The following USP46 variants were observed in gnomAD, a reference collection of about 807,000 sequenced individuals.
USP46 encodes ubiquitin carboxyl-terminal hydrolase 46.
Under a neutral mutation model 44.4 loss-of-function variants are expected in USP46, and 12 were observed. That is an observed-to-expected ratio of 0.27 (90% CI 0.17 to 0.44). The LOEUF (loss-of-function observed/expected upper bound fraction) is 0.44. Among genes scored for constraint, USP46 ranks in the 20% least tolerant of loss-of-function variants. The pLI is 1.00. For synonymous variants in USP46, 155 were observed against 161.5 expected, an observed-to-expected ratio of 0.96 and a Z score of 0.31; for missense variants, 248 against 444.8, an observed-to-expected ratio of 0.56 and a Z score of 3.98.
At chr4:52,625,317 C>T (rs1183494393) in intron 4 of USP46, among the ~76,000 whole-genome samples, 1 of 151,836 alleles carries the variant, frequency 6.6e-6, no homozygotes, top group African/African-American at 2.4e-5. Flanking sequence ...GCACAGGTTC[C>T]ACTAGCTAAC....
At chr4:52,654,429 G>A (rs908396511) in intron 1 of USP46, among the ~76,000 whole-genome samples, 4 of 152,132 alleles carry the variant, frequency 2.6e-5, no homozygotes, top group African/African-American at 7.2e-5. Flanking sequence ...ACTTGCCTTA[G>A]GTAAGTAGTT....
In USP46 at chr4:52,591,070, CAG is replaced by C. The variant is rs1187798687; in HGVS notation, c.*6568_*6569del. The C allele has an allele frequency of 2.0e-5, 3 of 152,208 alleles. No homozygotes were observed. The highest frequency in any genetic ancestry group is 1.3e-4 in the Admixed American group (2 of 15,278). 9.4% of individuals were successfully genotyped at this position (152,208 alleles called of 1,614,324 possible). On this transcript the variant is annotated 3_prime_UTR_variant, in exon 9 of 9. Coordinates refer to ENST00000441222, the MANE Select transcript of USP46 (RefSeq NM_022832.4). Reference sequence around the variant, plus strand: ...TAAAACAGTATCTTTCTAATCCCCTCAGAGTGGAAAACAGGTAATTCTCAACC... The same window carrying C: ...TAAAACAGTATCTTTCTAATCCCCTCAGTGGAAAACAGGTAATTCTCAACC...
intron 2 of USP46, among the ~76,000 whole-genome samples, chr4:52,629,103 A>G (rs963784533): frequency 6.6e-6 from 1 of 152,254 alleles, no homozygotes; most frequent in Non-Finnish European, 1.5e-5. Context: ...ATGAAATGCT[A>G]TGTAAGATTA....
chr4:52,636,996 G>C (rs995567902), intron 1 of USP46, among the ~76,000 whole-genome samples: 1 of 151,596 alleles, frequency 6.6e-6, no homozygotes, highest in Admixed American at 6.6e-5. Flanking sequence ...TTTTTTGTAG[G>C]GACAGGGTTT....
rs199952091 is a variant in USP46 at position 52,625,987 on chromosome 4, C to T, written c.561+31G>A. On this transcript the variant is annotated intron_variant, in intron 4 of 8. Coordinates refer to ENST00000441222, the MANE Select transcript of USP46 (RefSeq NM_022832.4). The stretch of plus-strand genomic sequence containing the variant: ...CATAGCGTACATAAATATGAACATG[C>T]GAGCTACATAAGAGCTCCCCTAGTA... 459 of 1,576,168 alleles carry T rather than the reference C, an allele frequency of 2.9e-4. 2 individuals carry two copies. The highest frequency in any genetic ancestry group is 1.1e-3 in the South Asian group (94 of 88,008).
intron 1 of USP46, among the ~76,000 whole-genome samples, chr4:52,649,739 C>A (rs1718684146): frequency 6.6e-6 from 1 of 152,188 alleles, no homozygotes; most frequent in African/African-American, 2.4e-5. Flanking sequence ...TTATTGAGCA[C>A]CAACCACATA....
intron 2 of USP46, among the ~76,000 whole-genome samples, chr4:52,630,811 G>A (rs1338001306): frequency 6.6e-6 from 1 of 151,734 alleles, no homozygotes; most frequent in Non-Finnish European, 1.5e-5. Context: ...AGTTATGTGT[G>A]CAAAGGAAAT....
At chr4:52,638,133 C>T (rs1054172814) in intron 1 of USP46, among the ~76,000 whole-genome samples, 2 of 152,124 alleles carry the variant, frequency 1.3e-5, no homozygotes, top group African/African-American at 4.8e-5. Context: ...AATTAAGAAC[C>T]TTGAGATGGG....
chr4:52,636,233 G>T (rs1271869822), intron 1 of USP46, among the ~76,000 whole-genome samples: 1 of 152,086 alleles, frequency 6.6e-6, no homozygotes, highest in Admixed American at 6.5e-5. Flanking sequence ...TTTGAAGATG[G>T]AGGAAGAGGC....
At chr4:52,632,972 G>GAA (rs1289395281) in intron 1 of USP46, among the ~76,000 whole-genome samples, 1 of 73,986 alleles carries the variant, frequency 1.4e-5, no homozygotes, top group Non-Finnish European at 2.6e-5. Context: ...AAGAAAGAAA[G>GAA]AAAGAAAGAA....
At chr4:52,599,261 T>G (rs1178357773) in intron 7 of USP46, among the ~76,000 whole-genome samples, 29 of 130,778 alleles carry the variant, frequency 2.2e-4, no homozygotes, top group Non-Finnish European at 3.4e-4. Context: ...GGGGGAGGGG[T>G]AGGGGTGGGG....
chr4:52,627,801 ATGT>A (rs1433459285), intron 3 of USP46, 146 bp downstream of exon 3: 3 of 889,824 alleles, frequency 3.4e-6, no homozygotes, highest in African/African-American at 3.4e-5. Flanking sequence ...CAGAGAAGAA[ATGT>A]TGTTTCTTAA....
intron 2 of USP46, among the ~76,000 whole-genome samples, chr4:52,630,479 G>C (rs1309822196): frequency 1.3e-5 from 2 of 152,194 alleles, no homozygotes; most frequent in Non-Finnish European, 1.5e-5. Flanking sequence ...TTCGGGCCTG[G>C]TGCAGTGGCT....
At chr4:52,638,092 G>T (rs1718182808) in intron 1 of USP46, among the ~76,000 whole-genome samples, 1 of 152,156 alleles carries the variant, frequency 6.6e-6, no homozygotes, top group African/African-American at 2.4e-5. Context: ...TACCTTATGT[G>T]GCAAAAGGGA....
chr4:52,646,263 T>C (rs144179116), intron 1 of USP46, among the ~76,000 whole-genome samples: 13 of 152,306 alleles, frequency 8.5e-5, no homozygotes, highest in African/African-American at 2.9e-4. Flanking sequence ...CTCAATGCAC[T>C]TGTGCGGCAA....
chr4:52,656,349 T>C (rs542827256), intron 1 of USP46: 9 of 1,550,606 alleles, frequency 5.8e-6, no homozygotes, highest in South Asian at 2.4e-5. Flanking sequence ...CAGTTAATAT[T>C]TACGTCTGAT....
chr4:52,640,290 C>T (rs10034052), intron 1 of USP46, among the ~76,000 whole-genome samples: 27,316 of 151,892 alleles, frequency 0.18, 3,026 homozygotes, highest in African/African-American at 0.33. Flanking sequence ...AGCCCTGCGA[C>T]GTGCCTGGCT....
rs561297390 is a variant in USP46 at position 52,618,504 on chromosome 4, T to C, written c.561+7514A>G. On this transcript the variant is annotated intron_variant, in intron 4 of 8. Transcript: ENST00000441222. ...GACTCCATCTAAAAAAAAAATCTTA[T>C]TGAATAGCCAGGCATGGTGGTGTGC... Among the ~76,000 whole-genome samples, 15 of 151,542 alleles carry C rather than the reference T, an allele frequency of 9.9e-5. No individual in the cohort carries two copies. In the South Asian group the frequency reaches 2.9e-3, roughly 30 times the overall value.
intron 2 of USP46, chr4:52,629,545 A>T (rs764316166): frequency 6.6e-6 from 3 of 454,244 alleles, no homozygotes; most frequent in Non-Finnish European, 1.3e-5. Context: ...TTTTAAAATC[A>T]TAAGTCAGTA....
Sources: allele counts gnomAD v4.1 joint callset (sites outside exome capture counted in the v4.1 genomes callset), GRCh38; gene constraint gnomAD v4.1.1; transcripts MANE v1.5; gene names NCBI Gene and HGNC (gene_info 2026-07-23, HGNC 2026-07-21).